The following ZNF385D variants were observed in gnomAD, a reference collection of about 807,000 sequenced individuals.
ZNF385D encodes the protein zinc finger protein 385D, also known as zinc finger protein 659.
ZNF385D carries 15 observed loss-of-function variants against 35.8 expected under a neutral mutation model. That is an observed-to-expected ratio of 0.42 (90% CI 0.28 to 0.64). ZNF385D has a LOEUF of 0.64. Among genes scored for constraint, ZNF385D ranks in the 30% least tolerant of loss-of-function variants. The probability of loss-of-function intolerance (pLI) is 0.23; values close to 1 mark genes in which losing one functional copy is unlikely to be tolerated. For synonymous variants in ZNF385D, 212 were observed against 186.8 expected (o/e 1.13, Z -1.10); for missense variants, 474 against 494.6 (o/e 0.96, Z 0.39).
At chr3:22,068,883 C>T (rs1457643158) in intron 3 of ZNF385D, among the ~76,000 whole-genome samples, 1 of 152,186 alleles carries the variant, frequency 6.6e-6, no homozygotes, top group Non-Finnish European at 1.5e-5. Flanking sequence ...CACAGTGACA[C>T]TTAAAGTCAA....
chr3:21,703,002 G>T (rs2067749832), intron 1 of ZNF385D, among the ~76,000 whole-genome samples: 2 of 152,038 alleles, frequency 1.3e-5, no homozygotes, highest in African/African-American at 2.4e-5. Flanking sequence ...TCCAACCTCT[G>T]CCTGTTACCC....
chr3:22,128,892 TTG>T (rs1703607320), intron 3 of ZNF385D, among the ~76,000 whole-genome samples: 1 of 152,210 alleles, frequency 6.6e-6, no homozygotes, highest in Non-Finnish European at 1.5e-5. Context: ...TTGGTCACTG[TTG>T]TCTCTTTTAG....
chr3:21,672,850 G>A (rs1019769530), intron 1 of ZNF385D, among the ~76,000 whole-genome samples: 2 of 152,038 alleles, frequency 1.3e-5, no homozygotes, highest in African/African-American at 4.8e-5. Context: ...GAAGAAAAAC[G>A]GGATCTCTCA....
chr3:22,139,657 C>G (rs1468248906), intron 3 of ZNF385D, among the ~76,000 whole-genome samples: 1 of 151,856 alleles, frequency 6.6e-6, no homozygotes, highest in Non-Finnish European at 1.5e-5. Context: ...GGTGATATAC[C>G]TAATGTTAAA....
rs780874112 is a variant in ZNF385D, at chr3:22,248,959, T to C, written c.107-79924A>G. Among the ~76,000 whole-genome samples the C allele has an allele frequency of 2.6e-5, 4 of 152,202 alleles. No homozygotes were observed. In the South Asian group the frequency reaches 8.3e-4, roughly 31 times the overall value. ...CATCATCATGCTGAGAAAGCCCATA[T>C]GCAGGAGAGGTCACCTGTAAGTATT... On this transcript the variant is annotated intron_variant, in intron 2 of 5. Transcript: ENST00000494108.
intron 1 of ZNF385D, among the ~76,000 whole-genome samples, chr3:21,668,780 C>T (rs2066478789): frequency 6.6e-6 from 1 of 152,152 alleles, no homozygotes; most frequent in Non-Finnish European, 1.5e-5. Flanking sequence ...TAATATGTTT[C>T]ATCTGTAAAG....
intron 3 of ZNF385D, among the ~76,000 whole-genome samples, chr3:22,161,863 G>A (rs1705976499): frequency 6.6e-6 from 1 of 152,122 alleles, no homozygotes; most frequent in Non-Finnish European, 1.5e-5. Flanking sequence ...TAATTTTGTT[G>A]ACAGTAGAAT....
At chr3:21,801,790 A>G (rs183783919) in intron 3 of ZNF385D, among the ~76,000 whole-genome samples, 418 of 152,240 alleles carry the variant, frequency 2.7e-3, no homozygotes, top group African/African-American at 8.3e-3. Context: ...GAGAATCTCT[A>G]TATTTAGAGT....
intron 3 of ZNF385D, among the ~76,000 whole-genome samples, chr3:21,987,123 A>C (rs1450195522): frequency 7.9e-6 from 1 of 126,064 alleles, no homozygotes; most frequent in South Asian, 3.0e-4. Context: ...TCTTTATCCA[A>C]CTTGCCAGTC....
intron 3 of ZNF385D, among the ~76,000 whole-genome samples, chr3:21,791,242 T>C (rs1008416890): frequency 6.6e-6 from 1 of 152,190 alleles, no homozygotes; most frequent in African/African-American, 2.4e-5. Flanking sequence ...CGTGACTAGT[T>C]TGCCTCCAAC....
At chr3:22,148,541 A>G (rs1253233428) in intron 3 of ZNF385D, among the ~76,000 whole-genome samples, 1 of 152,352 alleles carries the variant, frequency 6.6e-6, no homozygotes, top group Non-Finnish European at 1.5e-5. Context: ...CTACAAACCA[A>G]GAATCTGTGT....
At chr3:22,168,983 G>C (rs1436546900) in exon 3 of ZNF385D, 31 of 985,682 alleles carry the variant, frequency 3.1e-5, no homozygotes, top group Non-Finnish European at 3.7e-5. Context: ...TTTCTTCAAA[G>C]TCATCAGGTA....
At chr3:22,003,726 G>A (rs537737251) in intron 3 of ZNF385D, among the ~76,000 whole-genome samples, 4 of 152,060 alleles carry the variant, frequency 2.6e-5, no homozygotes, top group East Asian at 1.9e-4. Flanking sequence ...AATTAGCCAG[G>A]TATGGTGGCA....
At chr3:22,058,461 G>A (rs1306667584) in intron 3 of ZNF385D, among the ~76,000 whole-genome samples, 1 of 152,120 alleles carries the variant, frequency 6.6e-6, no homozygotes, top group Non-Finnish European at 1.5e-5. Context: ...CTTACTCATA[G>A]CCTCTTTAGA....
intron 3 of ZNF385D, among the ~76,000 whole-genome samples, chr3:21,944,999 ATTC>A (rs1169719361): frequency 2.0e-5 from 3 of 152,078 alleles, no homozygotes; most frequent in African/African-American, 7.2e-5. Flanking sequence ...ATCATTTGAA[ATTC>A]TTATTTTCGA....
intron 2 of ZNF385D, among the ~76,000 whole-genome samples, chr3:22,272,539 G>A (rs2638162): frequency 0.4 from 61,280 of 151,702 alleles, 12,499 homozygotes; most frequent in African/African-American, 0.43. Context: ...AGAAACCTCT[G>A]CTTTTTATTT....
At chr3:21,765,223 A>T (rs1048980349) in intron 3 of ZNF385D, among the ~76,000 whole-genome samples, 9 of 151,974 alleles carry the variant, frequency 5.9e-5, no homozygotes, top group Non-Finnish European at 1.2e-4. Flanking sequence ...TGTGTGAGAG[A>T]GAGAGAGAGA....
intron 3 of ZNF385D, among the ~76,000 whole-genome samples, chr3:22,157,495 G>A (rs1391434209): frequency 6.6e-6 from 1 of 151,810 alleles, no homozygotes; most frequent in Non-Finnish European, 1.5e-5. Context: ...TATTCTACCA[G>A]TGAGAATAAG....
chr3:21,720,564 C>T (rs1040637932), intron 1 of ZNF385D, among the ~76,000 whole-genome samples: 3 of 152,128 alleles, frequency 2.0e-5, no homozygotes, highest in African/African-American at 7.2e-5. Context: ...AAAAAAAATG[C>T]CAATTCTCAG....
Sources: gnomAD v4.1 joint callset for allele counts (sites outside exome capture counted in the v4.1 genomes callset) on GRCh38, gnomAD v4.1.1 for gene constraint, MANE v1.5 for transcripts, NCBI Gene and HGNC (gene_info 2026-07-23, HGNC 2026-07-21) for gene names.